The following BICD1 variants were observed in gnomAD, a reference collection of about 807,000 sequenced individuals.
The protein encoded by BICD1 is protein bicaudal D homolog 1.
BICD1 carries 35 observed loss-of-function variants against 92.5 expected under a neutral mutation model. The observed-to-expected ratio is 0.38, with a 90% CI of 0.29 to 0.50. The LOEUF is 0.50. Among genes scored for constraint, BICD1 ranks in the 20% least tolerant of loss-of-function variants. The pLI, the probability that BICD1 is intolerant of heterozygous loss-of-function variation, is 0.93. For synonymous variants in BICD1, 429 were observed against 465.1 expected (o/e 0.92, Z 1.00); for missense variants, 950 against 1,189.8 (o/e 0.80, Z 2.97).
intron 9 of BICD1, among the ~76,000 whole-genome samples, chr12:32,374,362 G>A (rs569700355): frequency 7.2e-5 from 11 of 151,778 alleles, no homozygotes; most frequent in African/African-American, 2.4e-4. Flanking sequence ...TCCACAGCAC[G>A]TATAGTAAAA....
intron 1 of BICD1, among the ~76,000 whole-genome samples, chr12:32,116,781 T>C (rs1214093586): frequency 3.9e-5 from 6 of 152,034 alleles, no homozygotes; most frequent in Non-Finnish European, 1.5e-5. Context: ...GGTTTTGTTA[T>C]GTTGCTCAGG....
At chr12:32,324,555 A>G (rs1707552025) in intron 4 of BICD1, among the ~76,000 whole-genome samples, 1 of 132,328 alleles carries the variant, frequency 7.6e-6, no homozygotes, top group Non-Finnish European at 1.6e-5. Context: ...TTTTGCAACT[A>G]CTGTACTGTA....
intron 2 of BICD1, among the ~76,000 whole-genome samples, chr12:32,225,749 T>G (rs1945669972): frequency 6.6e-6 from 1 of 150,840 alleles, no homozygotes; most frequent in Admixed American, 6.6e-5. Context: ...GCCTCCCGAG[T>G]AGCTGGGATT....
chr12:32,186,717 AC>A, intron 1 of BICD1, among the ~76,000 whole-genome samples: 1 of 152,220 alleles, frequency 6.6e-6, no homozygotes. Context: ...AAAATAAAAT[AC>A]CATATTCATT....
intron 1 of BICD1, among the ~76,000 whole-genome samples, chr12:32,211,811 C>G (rs1195844810): frequency 6.6e-6 from 1 of 152,054 alleles, no homozygotes; most frequent in African/African-American, 2.4e-5. Context: ...GGATGATGAT[C>G]TGTTGAAGAC....
At chr12:32,320,353 G>A (rs1948617904) in intron 4 of BICD1, among the ~76,000 whole-genome samples, 1 of 151,834 alleles carries the variant, frequency 6.6e-6, no homozygotes, top group Non-Finnish European at 1.5e-5. Context: ...TTATAAAAAG[G>A]TTTTGAGGCT....
chr12:32,342,038 A>G (rs1369854238), intron 8 of BICD1, among the ~76,000 whole-genome samples: 1 of 151,238 alleles, frequency 6.6e-6, no homozygotes, highest in East Asian at 1.9e-4. Context: ...TTTGCTAGCT[A>G]GTAACAATAT....
At chr12:32,136,030 A>G (rs1004078272) in intron 1 of BICD1, among the ~76,000 whole-genome samples, 1 of 152,208 alleles carries the variant, frequency 6.6e-6, no homozygotes, top group Non-Finnish European at 1.5e-5. Flanking sequence ...GATCATATAT[A>G]TAGGAGTACC....
chr12:32,114,260 G>A (rs1426281601), intron 1 of BICD1, among the ~76,000 whole-genome samples: 2 of 152,160 alleles, frequency 1.3e-5, no homozygotes, highest in Non-Finnish European at 2.9e-5. Context: ...TGCCTGCCTT[G>A]CCCTCGTAAA....
At chr12:32,172,845 A>AT (rs1315544741) in intron 1 of BICD1, among the ~76,000 whole-genome samples, 1 of 152,146 alleles carries the variant, frequency 6.6e-6, no homozygotes, top group Non-Finnish European at 1.5e-5. Flanking sequence ...GACATTAATT[A>AT]TATTAATCTT....
Position 32,338,917 on chromosome 12 carries a change from T to C in BICD1, c.2702T>C (p.Met901Thr). ...TTTCTTCTGAAGGGCCCCCCTTCCATGAGTGAATTCATCCAAGGGCACCGG... is the reference window on the plus strand; with the variant it reads ...TTTCTTCTGAAGGGCCCCCCTTCCACGAGTGAATTCATCCAAGGGCACCGG... ...ESFLLKGPPS[M>T]SEFIQGHRLS... The change falls in exon 8 of 10, where the codon ATG becomes ACG. Residue 901 changes from methionine (M) to threonine (T), a missense_variant. Around this residue, in one of 5 missense-constraint regions of BICD1, gnomAD observed 179 missense variants for 186.7 expected, o/e 0.96. Transcript: ENST00000652176. 1 of 1,608,442 alleles carries C rather than the reference T, an allele frequency of 6.2e-7. No individual in the cohort carries two copies. The highest frequency in any genetic ancestry group is 8.5e-7 in the Non-Finnish European group (1 of 1,177,750).
At chr12:32,210,113 G>T (rs1017074279) in intron 1 of BICD1, among the ~76,000 whole-genome samples, 4 of 152,088 alleles carry the variant, frequency 2.6e-5, no homozygotes, top group Admixed American at 2.0e-4. Context: ...ACATGCTCTG[G>T]ATCACAGAGT....
chr12:32,370,260 G>A (rs937213166), intron 9 of BICD1, among the ~76,000 whole-genome samples: 1 of 151,936 alleles, frequency 6.6e-6, no homozygotes, highest in African/African-American at 2.4e-5. Context: ...TCAGGTTCTC[G>A]GGAGGCTGAG....
intron 1 of BICD1, among the ~76,000 whole-genome samples, chr12:32,111,536 G>A (rs1166327868): frequency 6.6e-6 from 1 of 152,132 alleles, no homozygotes; most frequent in Non-Finnish European, 1.5e-5. Context: ...TAAACATAAA[G>A]AGACAGTTAA....
At chr12:32,247,414 A>T (rs891947469) in intron 2 of BICD1, among the ~76,000 whole-genome samples, 2 of 152,246 alleles carry the variant, frequency 1.3e-5, no homozygotes, top group African/African-American at 2.4e-5. Context: ...GAATGACGAG[A>T]ATACATCTGA....
chr12:32,325,964 T>A lies in BICD1; in HGVS notation c.1006-1497T>A, dbSNP rs553066399. 7.5e-4 allele frequency among the ~76,000 whole-genome samples: 113 copies of A among 150,422 alleles called. 2 individuals carry two copies. The South Asian group carries it at 0.023, about 31-fold the overall frequency. On this transcript the variant is annotated intron_variant, in intron 4 of 9. Coordinates refer to ENST00000652176, the MANE Select transcript of BICD1 (RefSeq NM_001714.4). ...TGGGCGTGGTCGTGGGCGCCTGTAG[T>A]CCCAGCTACTGGGGAGGCTGAGGTG...
chr12:32,222,101 T>TA (rs1234402370), intron 2 of BICD1, among the ~76,000 whole-genome samples: 1 of 152,258 alleles, frequency 6.6e-6, no homozygotes, highest in East Asian at 1.9e-4. Context: ...AATTACTAGC[T>TA]AATGTCTCAA....
At chr12:32,108,535 CCTTTT>C in intron 1 of BICD1, 2 of 577,974 alleles carry the variant, frequency 3.5e-6, no homozygotes, top group South Asian at 2.2e-5. Flanking sequence ...AATATACACT[CCTTTT>C]CTGTGTGTCA....
chr12:32,130,536 A>G (rs1380084645), intron 1 of BICD1, among the ~76,000 whole-genome samples: 1 of 152,216 alleles, frequency 6.6e-6, no homozygotes, highest in East Asian at 1.9e-4. Flanking sequence ...GAAAGTGTGT[A>G]GAGGTAGAAG....
Sources: gnomAD v4.1 joint callset for allele counts (sites outside exome capture counted in the v4.1 genomes callset) on GRCh38, gnomAD v4.1.1 for gene constraint, gnomAD v4.1.1 regional missense constraint, MANE v1.5 for transcripts, NCBI Gene and HGNC (gene_info 2026-07-23, HGNC 2026-07-21) for gene names.